The following TGFBRAP1 variants were observed in gnomAD, a reference collection of about 807,000 sequenced individuals.
TGFBRAP1 encodes the protein transforming growth factor-beta receptor-associated protein 1.
A neutral mutation model predicts 83.2 loss-of-function variants in TGFBRAP1; 20 were observed. That is an observed-to-expected ratio of 0.24 (90% confidence interval 0.17 to 0.35). The LOEUF is 0.35. Ranked by LOEUF, TGFBRAP1 falls within the 10% of genes least tolerant of loss-of-function variation. The probability of loss-of-function intolerance (pLI) is 1.00; values close to 1 mark genes in which losing one functional copy is unlikely to be tolerated. For synonymous variants in TGFBRAP1, 415 were observed against 459.8 expected (o/e 0.90, Z 1.25); for missense variants, 950 against 1,099.4 (o/e 0.86, Z 1.92).
chr2:105,296,731 A>G (rs1253158417), intron 3 of TGFBRAP1, among the ~76,000 whole-genome samples: 1 of 149,004 alleles, frequency 6.7e-6, no homozygotes, highest in Non-Finnish European at 1.5e-5. Context: ...TTTCCAAAGA[A>G]TAATATCTTG....
At chr2:105,293,764 T>C (rs189619971) in intron 4 of TGFBRAP1, among the ~76,000 whole-genome samples, 5 of 152,354 alleles carry the variant, frequency 3.3e-5, no homozygotes, top group Admixed American at 2.0e-4. Context: ...CAATCCATTA[T>C]ATCACAGCTC....
chr2:105,319,110 G>T (rs990187869), intron 1 of TGFBRAP1, among the ~76,000 whole-genome samples: 1 of 152,056 alleles, frequency 6.6e-6, no homozygotes, highest in African/African-American at 2.4e-5. Context: ...ACATAGGCTG[G>T]AGTGCAGTGG....
rs1356818454 is a variant in TGFBRAP1 at position 105,296,823 on chromosome 2, C to T, written c.884-313G>A. On this transcript the variant is annotated intron_variant, in intron 3 of 11. Transcript: ENST00000393359. ...GTAAATGTAAAATCAGTGTAGTAAA[C>T]GCATAATACATAGTCCAGTGAAGAT... Among the ~76,000 whole-genome samples the T allele has an allele frequency of 5.0e-5, 6 of 120,734 alleles. No homozygotes were observed. The East Asian group carries it at 1.1e-3, about 22-fold the overall frequency. The allele number at this position is 120,734 out of a possible 152,430, so 79.2% of individuals were successfully genotyped here. A position where few individuals can be genotyped will look rare whatever the true frequency, so the allele number is the denominator to read the frequency against.
chr2:105,283,338 G>C (rs1677606330), intron 5 of TGFBRAP1, among the ~76,000 whole-genome samples: 1 of 152,186 alleles, frequency 6.6e-6, no homozygotes, highest in Non-Finnish European at 1.5e-5. Flanking sequence ...CAAATATCCA[G>C]CATAGAGTGA....
chr2:105,284,393 C>T lies in TGFBRAP1; in HGVS notation c.1044G>A (p.Met348Ile), dbSNP rs540888174. 5.6e-6 allele frequency: 9 copies of T among 1,613,796 alleles called. No individual in the cohort carries two copies. The highest frequency in any genetic ancestry group is 7.6e-6 in the Non-Finnish European group (9 of 1,179,892). Residue 348 changes from methionine (M) to isoleucine (I), a missense_variant, in exon 5 of 12, where the codon ATG becomes ATA. Met to Ile is a conservative substitution (Grantham distance 10, BLOSUM62 1). Coordinates refer to ENST00000393359, the MANE Select transcript of TGFBRAP1 (RefSeq NM_004257.6). ...CCGCCTGCTGCAGAATCCTTCTGTA[C>T]ATTACCTGCAAGGAAAGACGGGTGT... ...RNIPKEKFQVMYRRILQQAGF... is the reference protein window; with the variant it reads ...RNIPKEKFQVIYRRILQQAGF...
chr2:105,319,384 A>G (rs998732592), intron 1 of TGFBRAP1, among the ~76,000 whole-genome samples: 1 of 148,260 alleles, frequency 6.7e-6, no homozygotes, highest in African/African-American at 2.5e-5. Flanking sequence ...TTAAGTAGAT[A>G]ATCTAGACAT....
At chr2:105,306,176 C>A (rs935562522) in intron 2 of TGFBRAP1, among the ~76,000 whole-genome samples, 2 of 151,526 alleles carry the variant, frequency 1.3e-5, no homozygotes, top group African/African-American at 4.9e-5. Flanking sequence ...AATTCTCCTG[C>A]CTCAGCTTCC....
chr2:105,253,533 G>C, the TGFBRAP1 span, among the ~76,000 whole-genome samples: 2 of 152,176 alleles, frequency 1.3e-5, no homozygotes, highest in Non-Finnish European at 2.9e-5. Flanking sequence ...CTGGGCTCAA[G>C]TAATCCTCCC....
At chr2:105,255,252 T>G in the TGFBRAP1 span, among the ~76,000 whole-genome samples, 1 of 152,240 alleles carries the variant, frequency 6.6e-6, no homozygotes, top group Non-Finnish European at 1.5e-5. Context: ...GAGGACAGAC[T>G]GCCCCTCCCA....
chr2:105,300,357 G>A (rs1397285458), intron 2 of TGFBRAP1, among the ~76,000 whole-genome samples: 1 of 151,636 alleles, frequency 6.6e-6, no homozygotes, highest in Admixed American at 6.6e-5. Context: ...CTGAGACACA[G>A]TGCATCATAA....
At chr2:105,325,466 A>T (rs10204164) in intron 1 of TGFBRAP1, among the ~76,000 whole-genome samples, 30,526 of 151,960 alleles carry the variant, frequency 0.2, 3,797 homozygotes, top group East Asian at 0.55. Context: ...TTTGTTCGTG[A>T]CTCCAAGGCC....
chr2:105,306,980 C>T (rs754745071), intron 2 of TGFBRAP1, among the ~76,000 whole-genome samples: 6 of 152,092 alleles, frequency 3.9e-5, no homozygotes, highest in South Asian at 4.1e-4. Flanking sequence ...CATCCAACAC[C>T]GGCTGTACAT....
At chr2:105,298,759 T>C (rs1285645560) in intron 2 of TGFBRAP1, 54 bp from the exon 3 acceptor site, 2 of 1,497,916 alleles carry the variant, frequency 1.3e-6, no homozygotes, top group Admixed American at 2.1e-5. Flanking sequence ...TGGTGTCATT[T>C]TCCTGTAGCT....
rs530510474 is a variant in TGFBRAP1 at position 105,316,490 on chromosome 2, T to C, written c.-17-8172A>G. On this transcript the variant is annotated intron_variant, in intron 1 of 11. Transcript: ENST00000393359. ...GCGCGCGCGCGCGCGCACGCGCACATAACTCAAAAAGCAGATTCTAAAATT... is the reference window on the plus strand; with the variant it reads ...GCGCGCGCGCGCGCGCACGCGCACACAACTCAAAAAGCAGATTCTAAAATT... Among the ~76,000 whole-genome samples the C allele has an allele frequency of 8.6e-5, 11 of 127,412 alleles. No homozygotes were observed. The South Asian group carries it at 1.3e-3, about 15-fold the overall frequency. 83.6% of individuals were successfully genotyped at this position (127,412 alleles called of 152,430 possible).
intron 1 of TGFBRAP1, among the ~76,000 whole-genome samples, chr2:105,310,555 C>A (rs1678656956): frequency 6.6e-6 from 1 of 150,776 alleles, no homozygotes; most frequent in African/African-American, 2.4e-5. Context: ...AAAGGCACCA[C>A]AGAGAAGGAA....
rs377169356 is a variant in TGFBRAP1, at chr2:105,316,485, G to A, written c.-17-8167C>T. 1.0e-3 allele frequency among the ~76,000 whole-genome samples: 90 copies of A among 85,930 alleles called. 1 individual carries two copies. The highest frequency in any genetic ancestry group is 5.5e-3 in the Admixed American group (40 of 7,220). The allele number at this position is 85,930 out of a possible 152,430, so 56.4% of individuals were successfully genotyped here. Reference sequence around the variant, plus strand: ...TGTGCGCGCGCGCGCGCGCGCACGCGCACATAACTCAAAAAGCAGATTCTA... The same window carrying A: ...TGTGCGCGCGCGCGCGCGCGCACGCACACATAACTCAAAAAGCAGATTCTA... On this transcript the variant is annotated intron_variant, in intron 1 of 11. Coordinates refer to ENST00000393359, the MANE Select transcript of TGFBRAP1 (RefSeq NM_004257.6).
chr2:105,316,920 T>C (rs1678903624), intron 1 of TGFBRAP1, among the ~76,000 whole-genome samples: 1 of 151,352 alleles, frequency 6.6e-6, no homozygotes, highest in Non-Finnish European at 1.5e-5. Flanking sequence ...TCAAAAACCG[T>C]GGTAATTAAG....
chr2:105,326,769 A>G (rs1679236285), intron 1 of TGFBRAP1, among the ~76,000 whole-genome samples: 1 of 152,194 alleles, frequency 6.6e-6, no homozygotes, highest in South Asian at 2.1e-4. Context: ...GATAGTCCAT[A>G]ATATCCAGTC....
chr2:105,258,699 C>T, the TGFBRAP1 span, among the ~76,000 whole-genome samples: 1 of 151,210 alleles, frequency 6.6e-6, no homozygotes, highest in South Asian at 2.1e-4. Flanking sequence ...AAATCAGTCT[C>T]TCAATCACAC....
Sources: gnomAD v4.1 joint callset for allele counts (sites outside exome capture counted in the v4.1 genomes callset) on GRCh38, gnomAD v4.1.1 for gene constraint, MANE v1.5 for transcripts, NCBI Gene and HGNC (gene_info 2026-07-23, HGNC 2026-07-21) for gene names.